ATP11C: variants seen among roughly 807,000 people sequenced by gnomAD.
ATP11C encodes the protein ATPase phospholipid transporting 11C (ATP11C blood group).
Under a neutral mutation model 97.4 loss-of-function variants are expected in ATP11C, and 36 were observed. The observed-to-expected ratio is 0.37, with a 90% CI of 0.28 to 0.49. The LOEUF (loss-of-function observed/expected upper bound fraction) is 0.49. Among genes scored for constraint, ATP11C ranks in the 20% least tolerant of loss-of-function variants. ATP11C has a pLI of 0.98. For synonymous variants in ATP11C, 275 were observed against 290.9 expected (o/e 0.95, Z 0.56); for missense variants, 730 against 824.6 (o/e 0.89, Z 1.40).
intron 17 of ATP11C, 140 bp from the exon 18 acceptor site, chrX:139,782,868 T>A: frequency 2.2e-6 from 1 of 448,210 alleles, no homozygotes; most frequent in Non-Finnish European, 3.6e-6. Context: ...ATGAAGAAAT[T>A]ACAACTGAAA....
Position 139,838,668 on chromosome X carries a change from G to C in ATP11C, c.28-11845C>G, listed in dbSNP as rs919888465. On this transcript the variant is annotated intron_variant, in intron 1 of 29. Coordinates refer to ENST00000682941, the MANE Select transcript of ATP11C (RefSeq NM_001353812.2). The stretch of plus-strand genomic sequence containing the variant: ...CAGAACTATTCAAAAGGTGGAAACA[G>C]TCTGGTGCAGTGGCTCATGCCTGTA... Among the ~76,000 whole-genome samples the C allele has an allele frequency of 4.4e-5, 5 of 112,781 alleles. No individual in the cohort carries two copies. In the East Asian group the frequency reaches 1.4e-3, roughly 31 times the overall value.
intron 1 of ATP11C, among the ~76,000 whole-genome samples, chrX:139,865,230 G>T (rs994242188): frequency 3.6e-5 from 4 of 111,456 alleles, no homozygotes; most frequent in Non-Finnish European, 7.5e-5. Flanking sequence ...AATTAAACTG[G>T]CATGGTGGCA....
At chrX:139,874,033 G>A (rs1350135257) in intron 1 of ATP11C, among the ~76,000 whole-genome samples, 1 of 102,065 alleles carries the variant, frequency 9.8e-6, no homozygotes, top group Non-Finnish European at 1.9e-5. Context: ...ACAGAATATA[G>A]AAAACAACCA....
intron 5 of ATP11C, among the ~76,000 whole-genome samples, chrX:139,810,226 C>T (rs970731403): frequency 2.7e-5 from 3 of 111,491 alleles, no homozygotes; most frequent in South Asian, 3.8e-4. Context: ...TTTGGGAGGC[C>T]GGGGTGGATG....
intron 23 of ATP11C, among the ~76,000 whole-genome samples, chrX:139,756,025 C>T (rs1241442889): frequency 8.9e-6 from 1 of 112,180 alleles, no homozygotes; most frequent in African/African-American, 3.2e-5. Flanking sequence ...TGACTATCAA[C>T]AGAGTAAACT....
At chrX:139,757,653 T>C (rs989327966) in intron 23 of ATP11C, among the ~76,000 whole-genome samples, 155 bp downstream of exon 23, 10 of 111,973 alleles carry the variant, frequency 8.9e-5, no homozygotes, top group Admixed American at 5.7e-4. Context: ...ATAAGAAAAC[T>C]AGAAAAGCAA....
At chrX:139,761,906 G>A in intron 22 of ATP11C, 55 bp downstream of exon 22, 1 of 889,638 alleles carries the variant, frequency 1.1e-6, no homozygotes, top group Non-Finnish European at 1.5e-6. Flanking sequence ...CCATGACCAA[G>A]CTGAGCCAAT....
intron 22 of ATP11C, among the ~76,000 whole-genome samples, chrX:139,761,627 C>T (rs1480130725): frequency 9.0e-6 from 1 of 111,614 alleles, no homozygotes; most frequent in East Asian, 2.8e-4. Context: ...ACTACCAAGC[C>T]AAAATGTTCT....
intron 1 of ATP11C, among the ~76,000 whole-genome samples, chrX:139,863,502 C>A (rs1215936373): frequency 9.0e-6 from 1 of 110,682 alleles, no homozygotes; most frequent in Non-Finnish European, 1.9e-5. Flanking sequence ...CACTGCACTC[C>A]AGCCTGGATG....
intron 2 of ATP11C, among the ~76,000 whole-genome samples, chrX:139,826,019 G>A (rs766309757): frequency 6.2e-5 from 7 of 112,170 alleles, no homozygotes; most frequent in East Asian, 5.6e-4. Context: ...GAATCGGGGC[G>A]ATTAATTTGA....
chrX:139,735,372 A>G (rs1336895773), intron 28 of ATP11C, among the ~76,000 whole-genome samples: 1 of 111,985 alleles, frequency 8.9e-6, no homozygotes, highest in Non-Finnish European at 1.9e-5. Flanking sequence ...CTGTGTACAT[A>G]AAGTGTCCAC....
chrX:139,805,379 C>T (rs926280201), intron 5 of ATP11C, among the ~76,000 whole-genome samples: 1 of 111,778 alleles, frequency 8.9e-6, no homozygotes, highest in Non-Finnish European at 1.9e-5. Flanking sequence ...GTGTCTTAGA[C>T]GATTGCAACT....
chrX:139,754,576 A>C (rs1185172319), intron 23 of ATP11C, among the ~76,000 whole-genome samples: 1 of 112,174 alleles, frequency 8.9e-6, no homozygotes, highest in Non-Finnish European at 1.9e-5. Context: ...TCCTTGATGA[A>C]GAAGATAGAT....
In ATP11C at chrX:139,803,685, C is replaced by CTTTTTTTTTT. The variant is rs140315105; in HGVS notation, c.555+776_555+785dup. Among the ~76,000 whole-genome samples the CTTTTTTTTTT allele has an allele frequency of 5.2e-4, 20 of 38,265 alleles. 3 individuals are homozygous for CTTTTTTTTTT. Among genetic ancestry groups the CTTTTTTTTTT allele is most frequent in the African/African-American group, 1.8e-3 (17 of 9,558 alleles). The allele number at this position is 38,265 out of a possible 115,157, so 33.2% of individuals were successfully genotyped here. ...AAACATTTTCCAAACTACACCCTAT[C>CTTTTTTTTTT]TTTTTTTTTTTTTTTTTTTTTTTTT... On this transcript the variant is annotated intron_variant, in intron 6 of 29. Coordinates refer to ENST00000682941, the MANE Select transcript of ATP11C (RefSeq NM_001353812.2).
At chrX:139,842,530 C>T (rs2083849358) in intron 1 of ATP11C, among the ~76,000 whole-genome samples, 2 of 112,575 alleles carry the variant, frequency 1.8e-5, no homozygotes, top group African/African-American at 3.2e-5. Flanking sequence ...CTGCAATAGG[C>T]AAGTTTACAA....
chrX:139,874,897 G>A (rs951491927), intron 1 of ATP11C, among the ~76,000 whole-genome samples: 5 of 111,538 alleles, frequency 4.5e-5, no homozygotes, highest in African/African-American at 1.6e-4. Flanking sequence ...AGCAGGTGGG[G>A]CATGAATCTT....
At chrX:139,732,586 CA>C (rs58514331) in intron 28 of ATP11C, 9,970 of 110,708 alleles carry the variant, frequency 0.09, 9 homozygotes, top group Middle Eastern at 0.23. Flanking sequence ...ATGCAGAAAC[CA>C]AAAAAAAAAA....
intron 1 of ATP11C, among the ~76,000 whole-genome samples, chrX:139,872,673 GCTTT>G (rs1432450233): frequency 9.0e-6 from 1 of 111,124 alleles, no homozygotes; most frequent in Admixed American, 9.6e-5. Context: ...TCGCAAATCA[GCTTT>G]CTAAATATTA....
intron 23 of ATP11C, among the ~76,000 whole-genome samples, chrX:139,752,914 T>C (rs1194946111): frequency 8.9e-6 from 1 of 111,890 alleles, no homozygotes; most frequent in Non-Finnish European, 1.9e-5. Context: ...GCTAATGACA[T>C]GGCACTGATG....
Sources: allele counts gnomAD v4.1 joint callset (sites outside exome capture counted in the v4.1 genomes callset), GRCh38; gene constraint gnomAD v4.1.1; transcripts MANE v1.5; gene names NCBI Gene and HGNC (gene_info 2026-07-23, HGNC 2026-07-21).